Variants in MYO10 observed in about 807,000 individuals in gnomAD.
MYO10 encodes unconventional myosin-X.
MYO10 carries 133 observed loss-of-function variants against 257.3 expected under a neutral mutation model. The observed-to-expected ratio is 0.52, with a 90% CI of 0.45 to 0.60. The LOEUF (loss-of-function observed/expected upper bound fraction) is 0.60. Among genes scored for constraint, MYO10 ranks in the 20% least tolerant of loss-of-function variants. MYO10 has a pLI of 0.00. For synonymous variants in MYO10, 1,104 were observed against 1,028.6 expected (o/e 1.07, Z -1.40); for missense variants, 2,399 against 2,635.7 (o/e 0.91, Z 1.97).
At position 16,818,069 on chromosome 5, in the gene MYO10, C is replaced by T. The variant is rs748896480; in HGVS notation, c.219G>A (p.Glu73=). 1.4e-5 allele frequency: 23 copies of T among 1,610,366 alleles called. No homozygotes were observed. Among genetic ancestry groups the T allele is most frequent in the Non-Finnish European group, 1.8e-5 (21 of 1,177,938 alleles). Residue 73 remains glutamate (E), a synonymous_variant, in exon 3 of 41, where the codon GAG becomes GAA. Coordinates refer to ENST00000513610, the MANE Select transcript of MYO10 (RefSeq NM_012334.3). Reference sequence around the variant, plus strand: ...TATACATGATGGAGCCGCCATGGAGCTCTGTCAAGGACGCCATGTCATCCA... The same window carrying T: ...TATACATGATGGAGCCGCCATGGAGTTCTGTCAAGGACGCCATGTCATCCA... ...EGVDDMASLT[E]LHGGSIMYNL... is the part of the protein sequence containing the mutation.
intron 1 of MYO10, among the ~76,000 whole-genome samples, chr5:16,892,274 A>C (rs1443481349): frequency 6.6e-6 from 1 of 152,198 alleles, no homozygotes. Context: ...TCTCTGCACA[A>C]AATGAGTTGA....
chr5:16,743,578 G>A (rs1326015735), intron 19 of MYO10, among the ~76,000 whole-genome samples: 1 of 151,946 alleles, frequency 6.6e-6, no homozygotes, highest in Non-Finnish European at 1.5e-5. Flanking sequence ...GGGAGGCAGT[G>A]GTTGCAGTGA....
intron 18 of MYO10, among the ~76,000 whole-genome samples, chr5:16,756,536 A>G (rs1257669858): frequency 1.3e-5 from 2 of 152,154 alleles, no homozygotes; most frequent in African/African-American, 4.8e-5. Context: ...TGAACACTAC[A>G]TGGATTAATT....
At chr5:16,783,562 C>A in intron 4 of MYO10, 93 bp from the exon 5 acceptor site, 1 of 1,338,884 alleles carries the variant, frequency 7.5e-7, no homozygotes, top group Non-Finnish European at 1.0e-6. Context: ...CTCAACAGAA[C>A]AATGGTAGAA....
chr5:16,701,277 C>G lies in MYO10; in HGVS notation c.3118G>C (p.Val1040Leu). The G allele has an allele frequency of 6.2e-7, 1 of 1,613,812 alleles. No individual in the cohort carries two copies. Among genetic ancestry groups the G allele is most frequent in the Non-Finnish European group, 8.5e-7 (1 of 1,179,850 alleles). Reference protein sequence around the residue: ...SEEDPYMNDTVVPTSPSADST... With the variant: ...SEEDPYMNDTLVPTSPSADST... ...TCCGCACTGGGGCTGGTGGGCACCA[C>G]CGTGTCGTTCATGTATGGGTCCTCC... The change falls in exon 25 of 41, where the codon GTG becomes CTG. Residue 1040 changes from valine (V) to leucine (L), a missense_variant. Coordinates refer to ENST00000513610, the MANE Select transcript of MYO10 (RefSeq NM_012334.3). This position sits in a 1 kb window ranked among gnomAD's most constrained non-coding sequence, Gnocchi z 8.1.
chr5:16,776,910 T>A (rs963467701), intron 9 of MYO10, among the ~76,000 whole-genome samples: 25 of 152,196 alleles, frequency 1.6e-4, no homozygotes, highest in Non-Finnish European at 3.1e-4. Context: ...GTCTTGTCTG[T>A]ATTCTTTTAT....
At chr5:16,739,082 G>A (rs1739918282) in intron 19 of MYO10, among the ~76,000 whole-genome samples, 1 of 150,992 alleles carries the variant, frequency 6.6e-6, no homozygotes, top group African/African-American at 2.4e-5. Flanking sequence ...AGCTACTCCA[G>A]TGCCGAGGCA....
At chr5:16,718,256 C>T (rs1232245771) in intron 19 of MYO10, among the ~76,000 whole-genome samples, 2 of 152,196 alleles carry the variant, frequency 1.3e-5, no homozygotes, top group Admixed American at 6.5e-5. Flanking sequence ...GGCTCCTGTG[C>T]GGCCGGAGCC....
chr5:16,927,540 G>A (rs1746169635), intron 1 of MYO10, among the ~76,000 whole-genome samples: 2 of 152,218 alleles, frequency 1.3e-5, no homozygotes, highest in Middle Eastern at 3.4e-3. Context: ...TAGCCAGGAT[G>A]GTCTGGATCT....
chr5:16,700,972 C>CG lies in MYO10; in HGVS notation c.3422dup (p.Gln1142AlafsTer5). The CG allele has an allele frequency of 6.4e-7, 1 of 1,553,444 alleles. No homozygotes were observed. Among genetic ancestry groups the CG allele is most frequent in the Non-Finnish European group, 8.7e-7 (1 of 1,147,842 alleles). ...CCAGGCAGGTACTTACCGAGGACTG[C>CG]GCCCCCTCAGAGCTGAACCGGTAGG... On this transcript the variant is annotated frameshift_variant, in exon 25 of 41. Coordinates refer to ENST00000513610, the MANE Select transcript of MYO10 (RefSeq NM_012334.3). LOFTEE classifies it high-confidence loss of function.
rs750253923 is a variant in MYO10 at position 16,764,253 on chromosome 5, A to G, written c.1323T>C (p.Phe441=). The change falls in exon 12 of 41, where the codon TTT becomes TTC. Residue 441 remains phenylalanine (F), a synonymous_variant. Coordinates refer to ENST00000513610, the MANE Select transcript of MYO10 (RefSeq NM_012334.3). ...GILDIFGFEN[F]EVNHFEQFNI... Reference sequence around the variant, plus strand: ...GCTGCACTGTTAGGAAACCTACCTCAAAGTTTTCAAATCCAAAGATGTCGA... The same window carrying G: ...GCTGCACTGTTAGGAAACCTACCTCGAAGTTTTCAAATCCAAAGATGTCGA... The G allele has an allele frequency of 2.5e-6, 4 of 1,614,010 alleles. No individual in the cohort carries two copies. Among genetic ancestry groups the G allele is most frequent in the South Asian group, 2.2e-5 (2 of 91,072 alleles).
At chr5:16,771,548 T>TTATTAC (rs1407839694) in intron 9 of MYO10, among the ~76,000 whole-genome samples, 2 of 6,522 alleles carry the variant, frequency 3.1e-4, no homozygotes, top group Non-Finnish European at 7.6e-4. Flanking sequence ...CTATTATGAT[T>TTATTAC]TATTATTATT....
At chr5:16,667,167 C>T (rs1385910829) in intron 40 of MYO10, among the ~76,000 whole-genome samples, 3 of 152,214 alleles carry the variant, frequency 2.0e-5, no homozygotes, top group African/African-American at 7.2e-5. Context: ...TCCACAATTA[C>T]AGCCTTTAAA....
intron 1 of MYO10, among the ~76,000 whole-genome samples, chr5:16,923,663 TACACACAC>T (rs60949830): frequency 5.0e-5 from 7 of 140,638 alleles, no homozygotes; most frequent in African/African-American, 7.9e-5. Context: ...AACACGCCCA[TACACACAC>T]ACACACACAC....
At chr5:16,889,517 A>C (rs1302817515) in intron 1 of MYO10, among the ~76,000 whole-genome samples, 1 of 143,746 alleles carries the variant, frequency 7.0e-6, no homozygotes. Flanking sequence ...GAAGGAAGGA[A>C]GGAAGGAAGG....
chr5:16,829,720 G>A (rs2126716735), intron 2 of MYO10, among the ~76,000 whole-genome samples: 1 of 152,236 alleles, frequency 6.6e-6, no homozygotes, highest in Admixed American at 6.5e-5. Flanking sequence ...TCTGCCAGTG[G>A]AGATGCCACA....
chr5:16,860,993 T>C (rs1345365377), intron 2 of MYO10, among the ~76,000 whole-genome samples: 2 of 152,172 alleles, frequency 1.3e-5, no homozygotes, highest in African/African-American at 4.8e-5. Flanking sequence ...ATGAAATAGT[T>C]CTGAACCTGG....
At chr5:16,790,453 G>A (rs763979352) in intron 4 of MYO10, among the ~76,000 whole-genome samples, 11 of 152,164 alleles carry the variant, frequency 7.2e-5, no homozygotes, top group Non-Finnish European at 1.3e-4. Flanking sequence ...CATGGTTCCC[G>A]CCATGTTGTG....
chr5:16,785,795 G>A (rs1471194086), intron 4 of MYO10, among the ~76,000 whole-genome samples: 1 of 152,122 alleles, frequency 6.6e-6, no homozygotes, highest in Non-Finnish European at 1.5e-5. Flanking sequence ...ACTTGAACCT[G>A]GGAGGTGGAG....
Sources: allele counts gnomAD v4.1 joint callset (sites outside exome capture counted in the v4.1 genomes callset), GRCh38; gene constraint gnomAD v4.1.1; non-coding constraint Gnocchi (gnomAD v3.1); transcripts MANE v1.5; gene names NCBI Gene and HGNC (gene_info 2026-07-23, HGNC 2026-07-21).